DOCK7: variants seen among roughly 807,000 people sequenced by gnomAD.
DOCK7 encodes the protein dedicator of cytokinesis protein 7.
DOCK7 carries 138 observed loss-of-function variants against 271.0 expected under a neutral mutation model. The ratio of observed to expected loss-of-function variants is 0.51; its 90% CI spans 0.44 to 0.59. The LOEUF (loss-of-function observed/expected upper bound fraction) is 0.59. Ranked by LOEUF, DOCK7 falls within the 20% of genes least tolerant of loss-of-function variation. The pLI, the probability that DOCK7 is intolerant of heterozygous loss-of-function variation, is 0.00. For synonymous variants in DOCK7, 823 were observed against 876.1 expected (o/e 0.94, Z 1.07); for missense variants, 2,066 against 2,592.4 (o/e 0.80, Z 4.41).
intron 21 of DOCK7, among the ~76,000 whole-genome samples, chr1:62,553,346 ATATATATATTTTTTTTTTTTTTTTTTTT>A (rs1421986924): frequency 6.1e-4 from 15 of 24,406 alleles, no homozygotes; most frequent in East Asian, 3.1e-3. Flanking sequence ...ATATATATAT[ATATATATATTTTTTTTTTTTTTTTTTTT>A]TTTTTTTTTT....
intron 37 of DOCK7, among the ~76,000 whole-genome samples, chr1:62,502,105 G>T (rs559931554): frequency 6.6e-6 from 1 of 151,566 alleles, no homozygotes; most frequent in Non-Finnish European, 1.5e-5. Context: ...ATAAGTTCTG[G>T]CTACTAGATA....
intron 48 of DOCK7, among the ~76,000 whole-genome samples, chr1:62,463,981 GA>G (rs980627047): frequency 1.3e-5 from 2 of 152,026 alleles, no homozygotes; most frequent in African/African-American, 4.8e-5. Context: ...AAGATTTAAT[GA>G]AAAACGTTTT....
chr1:62,662,718 G>A (rs61775958), intron 2 of DOCK7, among the ~76,000 whole-genome samples: 1 of 152,042 alleles, frequency 6.6e-6, no homozygotes, highest in Non-Finnish European at 1.5e-5. Flanking sequence ...CCGAGAACGC[G>A]CCACTGCACT....
At chr1:62,507,515 T>C (rs761702837) in intron 35 of DOCK7, among the ~76,000 whole-genome samples, 5 of 152,236 alleles carry the variant, frequency 3.3e-5, no homozygotes, top group Admixed American at 6.5e-5. Flanking sequence ...AGCTATCACA[T>C]TGTTACTACA....
chr1:62,511,618 A>T (rs1644486220), intron 33 of DOCK7, among the ~76,000 whole-genome samples: 1 of 152,156 alleles, frequency 6.6e-6, no homozygotes, highest in African/African-American at 2.4e-5. Context: ...AATACAAAAA[A>T]TACTGAGAAA....
At chr1:62,535,295 T>C (rs1423783287) in intron 29 of DOCK7, among the ~76,000 whole-genome samples, 198 bp downstream of exon 29, 1 of 152,002 alleles carries the variant, frequency 6.6e-6, no homozygotes, top group Non-Finnish European at 1.5e-5. Context: ...AATTCAGAGG[T>C]GACAAAATAT....
chr1:62,615,712 T>G (rs1652355784), intron 14 of DOCK7, among the ~76,000 whole-genome samples: 1 of 151,736 alleles, frequency 6.6e-6, no homozygotes, highest in Non-Finnish European at 1.5e-5. Flanking sequence ...TCTATAAACA[T>G]TTAATGAGTC....
intron 11 of DOCK7, among the ~76,000 whole-genome samples, chr1:62,625,903 A>G (rs1373079519): frequency 6.6e-6 from 1 of 152,206 alleles, no homozygotes; most frequent in Admixed American, 6.5e-5. Flanking sequence ...GGACATTTAC[A>G]CTACACTAAA....
At chr1:62,574,291 T>C (rs376159467) in intron 18 of DOCK7, among the ~76,000 whole-genome samples, 4 of 152,340 alleles carry the variant, frequency 2.6e-5, no homozygotes, top group African/African-American at 9.6e-5. Context: ...AATGCTATCA[T>C]TGTTCTAACA....
chr1:62,575,277 T>C (rs1030120595), intron 18 of DOCK7, among the ~76,000 whole-genome samples: 1 of 152,174 alleles, frequency 6.6e-6, no homozygotes, highest in African/African-American at 2.4e-5. Context: ...CAAGTGTGCC[T>C]GCTTCCCCTT....
rs74957650 is a variant in DOCK7 at position 62,657,846 on chromosome 1, T to C, written c.145-3687A>G. 4.0e-5 allele frequency among the ~76,000 whole-genome samples: 6 copies of C among 151,646 alleles called. No homozygotes were observed. The East Asian group carries it at 1.2e-3, about 29-fold the overall frequency. On this transcript the variant is annotated intron_variant, in intron 2 of 49. Transcript: ENST00000635253. Reference sequence around the variant, plus strand: ...AGAAAGAAAAATAGAAATTATCCAATCTGAACAGCATTAAAAGAAAAACAG... The same window carrying C: ...AGAAAGAAAAATAGAAATTATCCAACCTGAACAGCATTAAAAGAAAAACAG...
At chr1:62,643,469 T>C (rs1656279777) in intron 7 of DOCK7, among the ~76,000 whole-genome samples, 1 of 152,226 alleles carries the variant, frequency 6.6e-6, no homozygotes, top group African/African-American at 2.4e-5. Context: ...CTTCCATTGC[T>C]GCTGTGATAA....
At chr1:62,475,602 T>C (rs978934426) in intron 46 of DOCK7, 105 bp downstream of exon 46, 75 of 1,171,354 alleles carry the variant, frequency 6.4e-5, no homozygotes, top group Non-Finnish European at 8.2e-5. Flanking sequence ...TTCTAATATG[T>C]TATGGTATAA....
Position 62,542,578 on chromosome 1 carries a change from TATTAAAGAACATGCTCA to T in DOCK7, c.3045+13_3045+29del. The stretch of plus-strand genomic sequence containing the variant: ...TAAAATTGTTCACTAAGAGAAAAAA[TATTAAAGAACATGCTCA>T]GTTTTTGCTCACCATTAATTCAAAA... On this transcript the variant is annotated intron_variant, in intron 25 of 49. Transcript: ENST00000635253. The T allele has an allele frequency of 6.3e-7, 1 of 1,581,792 alleles. No homozygotes were observed. Among genetic ancestry groups the T allele is most frequent in the Non-Finnish European group, 8.6e-7 (1 of 1,164,508 alleles).
chr1:62,569,085 T>C (rs186021962), intron 18 of DOCK7, among the ~76,000 whole-genome samples: 29 of 151,836 alleles, frequency 1.9e-4, no homozygotes, highest in African/African-American at 6.0e-4. Flanking sequence ...GTTCTGAAAA[T>C]GAGGGAGTAA....
intron 7 of DOCK7, among the ~76,000 whole-genome samples, chr1:62,646,649 C>G (rs1168085): frequency 0.59 from 89,011 of 151,988 alleles, 27,684 homozygotes; most frequent in East Asian, 0.76. Context: ...CATGAGAAAC[C>G]AACCCACTGG....
At chr1:62,486,770 C>T (rs1431084275) in intron 43 of DOCK7, 1 of 152,074 alleles carries the variant, frequency 6.6e-6, no homozygotes, top group Non-Finnish European at 1.5e-5. Context: ...TTTCTTTCCT[C>T]AGTAGTGCTC....
At chr1:62,490,684 G>T (rs780017384) in intron 41 of DOCK7, among the ~76,000 whole-genome samples, 1 of 152,030 alleles carries the variant, frequency 6.6e-6, no homozygotes, top group Non-Finnish European at 1.5e-5. Flanking sequence ...AACTGCAAAA[G>T]AATTTTAATA....
At chr1:62,609,416 A>C in intron 14 of DOCK7, 1 of 152,186 alleles carries the variant, frequency 6.6e-6, no homozygotes, top group East Asian at 1.9e-4. Flanking sequence ...GTAGCTATTT[A>C]TCTTAAAATA....
Sources: gnomAD v4.1 joint callset for allele counts (sites outside exome capture counted in the v4.1 genomes callset) on GRCh38, gnomAD v4.1.1 for gene constraint, MANE v1.5 for transcripts, NCBI Gene and HGNC (gene_info 2026-07-23, HGNC 2026-07-21) for gene names.